Variants in SLC24A4 observed in about 807,000 individuals in gnomAD.
SLC24A4 encodes solute carrier family 24 member 4, also known as sodium/potassium/calcium exchanger 4.
A neutral mutation model predicts 79.0 loss-of-function variants in SLC24A4; 53 were observed. The ratio of observed to expected loss-of-function variants is 0.67; its 90% CI spans 0.54 to 0.84. SLC24A4 has a LOEUF of 0.84. Ranked by LOEUF, SLC24A4 falls within the 40% of genes least tolerant of loss-of-function variation. The pLI is 0.00. For missense variants in SLC24A4, 731 were observed against 822.0 expected, an observed-to-expected ratio of 0.89 and a Z score of 1.35; for synonymous variants, 323 against 323.8, an observed-to-expected ratio of 1.00 and a Z score of 0.03.
chr14:92,463,813 C>T (rs774804696), intron 12 of SLC24A4, among the ~76,000 whole-genome samples: 8 of 152,148 alleles, frequency 5.3e-5, no homozygotes, highest in Non-Finnish European at 1.0e-4. Flanking sequence ...CTTCCCTCCT[C>T]CCCCGACCCC....
intron 2 of SLC24A4, among the ~76,000 whole-genome samples, chr14:92,406,324 C>T (rs1376084041): frequency 6.6e-6 from 1 of 152,206 alleles, no homozygotes; most frequent in Non-Finnish European, 1.5e-5. Flanking sequence ...TTTCCAGGTG[C>T]ACGGTGCACA....
intron 2 of SLC24A4, among the ~76,000 whole-genome samples, chr14:92,429,007 A>G (rs1222306252): frequency 6.6e-6 from 1 of 152,240 alleles, no homozygotes; most frequent in Non-Finnish European, 1.5e-5. Flanking sequence ...GTGGTATGGC[A>G]CACCAGATAG....
chr14:92,461,438 A>G (rs919707024), intron 12 of SLC24A4, among the ~76,000 whole-genome samples: 2 of 152,110 alleles, frequency 1.3e-5, no homozygotes, highest in African/African-American at 4.8e-5. Flanking sequence ...ATTTTCTCAC[A>G]TTTCTAGAGG....
At chr14:92,331,772 G>T (rs570393460) in intron 2 of SLC24A4, among the ~76,000 whole-genome samples, 1 of 152,116 alleles carries the variant, frequency 6.6e-6, no homozygotes, top group East Asian at 1.9e-4. Context: ...ATTTTTTTCT[G>T]CCTCTGCCAC....
intron 2 of SLC24A4, among the ~76,000 whole-genome samples, chr14:92,378,064 C>T (rs545405721): frequency 3.9e-5 from 6 of 152,130 alleles, no homozygotes; most frequent in African/African-American, 7.2e-5. Flanking sequence ...GGAAATGGGT[C>T]TGCTTGCAGT....
intron 2 of SLC24A4, among the ~76,000 whole-genome samples, chr14:92,385,886 C>G (rs564212504): frequency 6.6e-6 from 1 of 152,288 alleles, no homozygotes; most frequent in Non-Finnish European, 1.5e-5. Flanking sequence ...TCCTGGGATG[C>G]GAGGGGAGAG....
At chr14:92,462,552 CA>C (rs2139867504) in intron 12 of SLC24A4, 1 of 152,304 alleles carries the variant, frequency 6.6e-6, no homozygotes, top group East Asian at 1.9e-4. Context: ...CACATACCAT[CA>C]CGCCTGGCTA....
intron 2 of SLC24A4, among the ~76,000 whole-genome samples, chr14:92,339,426 T>A (rs1886000115): frequency 6.6e-6 from 1 of 152,216 alleles, no homozygotes. Flanking sequence ...TTCCTTGATC[T>A]TTGTGACAGT....
At chr14:92,362,712 C>T (rs1887604606) in intron 2 of SLC24A4, among the ~76,000 whole-genome samples, 1 of 152,204 alleles carries the variant, frequency 6.6e-6, no homozygotes, top group East Asian at 1.9e-4. Context: ...CAGTGTGCTG[C>T]GTCCCAAGTC....
At chr14:92,388,616 T>G (rs1208863198) in intron 2 of SLC24A4, among the ~76,000 whole-genome samples, 3 of 152,222 alleles carry the variant, frequency 2.0e-5, no homozygotes, top group Non-Finnish European at 4.4e-5. Context: ...TTTGTATAGT[T>G]GTGGGGCAGG....
intron 9 of SLC24A4, 23 bp downstream of exon 9, chr14:92,447,447 G>T: frequency 6.2e-7 from 1 of 1,611,970 alleles, no homozygotes. Context: ...TCTCCTCCCC[G>T]GGGCTGCCGA....
At chr14:92,346,528 C>G (rs1320401308) in intron 2 of SLC24A4, among the ~76,000 whole-genome samples, 1 of 152,074 alleles carries the variant, frequency 6.6e-6, no homozygotes, top group African/African-American at 2.4e-5. Flanking sequence ...AGGTCATAAG[C>G]GAGGGATAGA....
At chr14:92,354,601 C>A (rs1047839315) in intron 2 of SLC24A4, among the ~76,000 whole-genome samples, 1 of 152,196 alleles carries the variant, frequency 6.6e-6, no homozygotes, top group African/African-American at 2.4e-5. Flanking sequence ...TCATTATTTA[C>A]ATTTTTAATA....
chr14:92,426,000 G>A (rs1012968153), intron 2 of SLC24A4, among the ~76,000 whole-genome samples: 7 of 151,920 alleles, frequency 4.6e-5, no homozygotes, highest in African/African-American at 1.7e-4. Context: ...CAATCAATCA[G>A]TCAATCAATC....
intron 2 of SLC24A4, among the ~76,000 whole-genome samples, chr14:92,357,470 A>G (rs1338033849): frequency 6.6e-6 from 1 of 152,264 alleles, no homozygotes; most frequent in East Asian, 1.9e-4. Flanking sequence ...GAATGGCTAC[A>G]TAAAATGTGG....
At chr14:92,417,133 A>G (rs1354771292) in intron 2 of SLC24A4, among the ~76,000 whole-genome samples, 1 of 152,308 alleles carries the variant, frequency 6.6e-6, no homozygotes, top group East Asian at 1.9e-4. Context: ...AAATATTTAC[A>G]AGGACCATGT....
intron 2 of SLC24A4, among the ~76,000 whole-genome samples, chr14:92,383,103 A>G (rs12435905): frequency 0.49 from 74,285 of 152,046 alleles, 19,482 homozygotes; most frequent in East Asian, 0.96. Flanking sequence ...TCCCCAGCCC[A>G]TCATTTCTAT....
At chr14:92,423,799 G>A (rs1358329506) in intron 2 of SLC24A4, among the ~76,000 whole-genome samples, 1 of 152,208 alleles carries the variant, frequency 6.6e-6, no homozygotes, top group African/African-American at 2.4e-5. Flanking sequence ...TTGGCATGAG[G>A]CAGCCAACTG....
At chr14:92,405,045 A>ATC (rs1890304707) in intron 2 of SLC24A4, among the ~76,000 whole-genome samples, 1 of 152,198 alleles carries the variant, frequency 6.6e-6, no homozygotes, top group Non-Finnish European at 1.5e-5. Context: ...CCTCCCTGAA[A>ATC]AGAGAGGCCA....
Sources: allele counts gnomAD v4.1 joint callset (sites outside exome capture counted in the v4.1 genomes callset), GRCh38; gene constraint gnomAD v4.1.1; transcripts MANE v1.5; gene names NCBI Gene and HGNC (gene_info 2026-07-23, HGNC 2026-07-21).